Variants in SMCHD1 observed in about 807,000 individuals in gnomAD.
SMCHD1 encodes structural maintenance of chromosomes flexible hinge domain containing 1.
Under a neutral mutation model 254.7 loss-of-function variants are expected in SMCHD1, and 78 were observed. That is an observed-to-expected ratio of 0.31 (90% confidence interval 0.26 to 0.37). The LOEUF (loss-of-function observed/expected upper bound fraction) is 0.37. Ranked by LOEUF, SMCHD1 falls within the 10% of genes least tolerant of loss-of-function variation. SMCHD1 has a pLI of 1.00. For missense variants in SMCHD1, 1,840 were observed against 2,408.1 expected, an observed-to-expected ratio of 0.76 and a Z score of 4.94; for synonymous variants, 766 against 794.9, an observed-to-expected ratio of 0.96 and a Z score of 0.61.
At chr18:2,785,492 C>T (rs994996277) in intron 45 of SMCHD1, among the ~76,000 whole-genome samples, 28 of 147,784 alleles carry the variant, frequency 1.9e-4, no homozygotes, top group African/African-American at 6.0e-4. Flanking sequence ...ACTAAAAATA[C>T]AAAAAAAAAA....
chr18:2,705,410 A>G (rs1286061554), intron 13 of SMCHD1, among the ~76,000 whole-genome samples: 1 of 152,188 alleles, frequency 6.6e-6, no homozygotes, highest in Non-Finnish European at 1.5e-5. Flanking sequence ...GGCATTCATT[A>G]TGACTGAATT....
intron 13 of SMCHD1, among the ~76,000 whole-genome samples, chr18:2,705,378 G>C (rs777310538): frequency 1.1e-4 from 16 of 152,002 alleles, no homozygotes; most frequent in Admixed American, 2.6e-4. Flanking sequence ...ATTTTATGGG[G>C]AAAAAAGGTT....
chr18:2,696,093 C>T (rs2074279673), intron 8 of SMCHD1, among the ~76,000 whole-genome samples: 1 of 152,084 alleles, frequency 6.6e-6, no homozygotes, highest in African/African-American at 2.4e-5. Context: ...AACAATGTTA[C>T]CAAAATATAA....
intron 3 of SMCHD1, among the ~76,000 whole-genome samples, chr18:2,671,588 T>A (rs2073603102): frequency 7.0e-6 from 1 of 142,624 alleles, no homozygotes; most frequent in Non-Finnish European, 1.5e-5. Context: ...TGTTGATCTT[T>A]TCTTTTCTTT....
intron 45 of SMCHD1, among the ~76,000 whole-genome samples, chr18:2,786,467 G>A (rs541404055): frequency 7.2e-5 from 11 of 152,130 alleles, no homozygotes; most frequent in African/African-American, 1.9e-4. Flanking sequence ...CAAGGCAGGC[G>A]GATCACCTGA....
chr18:2,671,431 CCA>C (rs749181071), intron 3 of SMCHD1, among the ~76,000 whole-genome samples: 3 of 151,998 alleles, frequency 2.0e-5, no homozygotes, highest in Non-Finnish European at 4.4e-5. Flanking sequence ...TTCATTCATA[CCA>C]TCATTATATG....
intron 3 of SMCHD1, 152 bp from the exon 4 acceptor site, chr18:2,673,129 G>A: frequency 2.0e-6 from 2 of 985,186 alleles, no homozygotes; most frequent in Non-Finnish European, 2.4e-6. Context: ...TGGTGATGAT[G>A]CCTTTATTAT....
At chr18:2,702,068 TA>T (rs1310105158) in intron 12 of SMCHD1, 1 of 152,066 alleles carries the variant, frequency 6.6e-6, no homozygotes, top group Non-Finnish European at 1.5e-5. Flanking sequence ...ATCCAACATT[TA>T]TTGAGCAGTG....
At chr18:2,708,540 A>G (rs557128383) in intron 17 of SMCHD1, among the ~76,000 whole-genome samples, 12 of 151,984 alleles carry the variant, frequency 7.9e-5, no homozygotes, top group Admixed American at 4.6e-4. Context: ...CTAAAAAATA[A>G]ATAAATCACA....
chr18:2,657,517 C>A (rs1159563428), intron 1 of SMCHD1, among the ~76,000 whole-genome samples: 1 of 152,096 alleles, frequency 6.6e-6, no homozygotes, highest in Non-Finnish European at 1.5e-5. Context: ...GTAAAAATAT[C>A]AGTACATTAA....
chr18:2,702,690 A>G (rs558524418), intron 12 of SMCHD1, among the ~76,000 whole-genome samples: 1 of 152,342 alleles, frequency 6.6e-6, no homozygotes, highest in South Asian at 2.1e-4. Context: ...TTTACCATGT[A>G]TATATATTTC....
chr18:2,753,353 A>G (rs557897310), intron 34 of SMCHD1, among the ~76,000 whole-genome samples: 4 of 152,364 alleles, frequency 2.6e-5, no homozygotes, highest in African/African-American at 7.2e-5. Context: ...TGAACACACT[A>G]CTATTTTCCA....
chr18:2,738,661 ATTGTCT>A (rs1465917268), intron 26 of SMCHD1, 116 bp downstream of exon 26: 4 of 922,852 alleles, frequency 4.3e-6, no homozygotes, highest in African/African-American at 3.5e-5. Context: ...AATATAATAG[ATTGTCT>A]TTGGAATAAA....
At chr18:2,767,515 C>A (rs1033320245) in intron 37 of SMCHD1, among the ~76,000 whole-genome samples, 3 of 149,814 alleles carry the variant, frequency 2.0e-5, no homozygotes, top group Non-Finnish European at 4.4e-5. Context: ...GTGCAAATAT[C>A]GTAGAGTATA....
At position 2,658,703 on chromosome 18, in the gene SMCHD1, C is replaced by A. The variant is rs184678128; in HGVS notation, c.186+2442C>A. 4.1e-3 allele frequency among the ~76,000 whole-genome samples: 626 copies of A among 152,096 alleles called. 4 individuals are homozygous for A. Among genetic ancestry groups the A allele is most frequent in the African/African-American group, 0.015 (605 of 41,474 alleles). ...CATAACTTTGTCTCCATTACGTACTCGAAGAACTGAATTAAGTCAGTGAAT... is the reference window on the plus strand; with the variant it reads ...CATAACTTTGTCTCCATTACGTACTAGAAGAACTGAATTAAGTCAGTGAAT... On this transcript the variant is annotated intron_variant, in intron 1 of 47. Coordinates refer to ENST00000320876, the MANE Select transcript of SMCHD1 (RefSeq NM_015295.3).
chr18:2,725,990 A>G (rs2075020580), intron 21 of SMCHD1, among the ~76,000 whole-genome samples: 1 of 151,692 alleles, frequency 6.6e-6, no homozygotes, highest in Admixed American at 6.6e-5. Context: ...AAAACCGTGG[A>G]CTTTTTTTTA....
At chr18:2,690,076 A>G (rs1026689573) in intron 7 of SMCHD1, among the ~76,000 whole-genome samples, 7 of 152,162 alleles carry the variant, frequency 4.6e-5, no homozygotes, top group African/African-American at 1.4e-4. Context: ...TTCTGATTCT[A>G]AAACAACTTG....
At chr18:2,677,877 CCAAAGTGCTGGGATTA>C (rs1348972085) in intron 5 of SMCHD1, among the ~76,000 whole-genome samples, 2 of 152,100 alleles carry the variant, frequency 1.3e-5, no homozygotes, top group African/African-American at 4.8e-5. Context: ...CCTCAGCCTC[CCAAAGTGCTGGGATTA>C]CAGAAGTGAG....
At position 2,796,078 on chromosome 18, in the gene SMCHD1, A is replaced by C; in HGVS notation, c.5849A>C (p.Lys1950Thr). The C allele has an allele frequency of 6.4e-7, 1 of 1,572,916 alleles. No individual in the cohort carries two copies. Among genetic ancestry groups the C allele is most frequent in the Non-Finnish European group, 8.6e-7 (1 of 1,159,900 alleles). Residue 1950 changes from lysine (K) to threonine (T), a missense_variant, in exon 46 of 48, where the codon AAA becomes ACA. Around this residue, in one of 9 missense-constraint regions of SMCHD1, gnomAD observed 132 missense variants for 138.2 expected, o/e 0.95. Transcript: ENST00000320876. The part of the protein sequence containing the change: ...KKKQELDEHE[K>T]NLKLIEEKLG... ...AAGCAAGAACTTGATGAACATGAGA[A>C]AAATCTCAAACTAATAGAGGAAAAA...
Sources: gnomAD v4.1 joint callset for allele counts (sites outside exome capture counted in the v4.1 genomes callset) on GRCh38, gnomAD v4.1.1 for gene constraint, gnomAD v4.1.1 regional missense constraint, MANE v1.5 for transcripts, NCBI Gene and HGNC (gene_info 2026-07-23, HGNC 2026-07-21) for gene names.